The following OSBPL10 variants were observed in gnomAD, a reference collection of about 807,000 sequenced individuals.
The protein encoded by OSBPL10 is oxysterol-binding protein-related protein 10.
In OSBPL10, 49 loss-of-function variants were observed where a neutral mutation model predicts 81.7. The ratio of observed to expected loss-of-function variants is 0.60; its 90% CI spans 0.48 to 0.76. OSBPL10 has a LOEUF of 0.76. Ranked by LOEUF, OSBPL10 falls within the 30% of genes least tolerant of loss-of-function variation. The probability of loss-of-function intolerance (pLI) is 0.00; values close to 1 mark genes in which losing one functional copy is unlikely to be tolerated. For missense variants in OSBPL10, 923 were observed against 987.8 expected (o/e 0.93, Z 0.88); for synonymous variants, 419 against 383.6 (o/e 1.09, Z -1.08).
At chr3:31,828,384 T>C (rs573798506) in intron 4 of OSBPL10, among the ~76,000 whole-genome samples, 2 of 152,296 alleles carry the variant, frequency 1.3e-5, no homozygotes, top group East Asian at 1.9e-4. Context: ...GGATATAGGG[T>C]TGCATTACTA....
intron 3 of OSBPL10, among the ~76,000 whole-genome samples, chr3:31,868,508 A>G (rs888090239): frequency 2.0e-5 from 3 of 152,186 alleles, no homozygotes; most frequent in African/African-American, 7.2e-5. Context: ...TCTGTCACAC[A>G]TTTATCCTTT....
intron 3 of OSBPL10, among the ~76,000 whole-genome samples, chr3:31,838,368 G>A (rs778162283): frequency 3.3e-5 from 5 of 152,100 alleles, no homozygotes; most frequent in Admixed American, 1.3e-4. Flanking sequence ...AAAATTAGCC[G>A]GGCGTGGTGG....
chr3:32,057,169 A>T (rs1699718645), intron 1 of OSBPL10, among the ~76,000 whole-genome samples: 1 of 152,198 alleles, frequency 6.6e-6, no homozygotes, highest in African/African-American at 2.4e-5. Context: ...TATAATCAAG[A>T]AATAACTGTA....
intron 2 of OSBPL10, among the ~76,000 whole-genome samples, chr3:32,032,432 A>T (rs957262584): frequency 6.6e-6 from 1 of 152,114 alleles, no homozygotes; most frequent in African/African-American, 2.4e-5. Flanking sequence ...TAACTAATTA[A>T]TTAAAAATTA....
intron 1 of OSBPL10, among the ~76,000 whole-genome samples, chr3:31,977,137 T>G (rs1465812607): frequency 6.6e-6 from 1 of 151,740 alleles, no homozygotes; most frequent in African/African-American, 2.4e-5. Flanking sequence ...CACAAACACA[T>G]TCCCCTCCTG....
rs144025571 is a variant in OSBPL10, at chr3:32,033,114, A to C, written n.298+13377T>G. ...GAACAGTTCTCCTATTATTTCTGATATCATAAAACAATTTGAAATGTATAT... is the reference window on the plus strand; with the variant it reads ...GAACAGTTCTCCTATTATTTCTGATCTCATAAAACAATTTGAAATGTATAT... On this transcript the variant is annotated intron_variant and non_coding_transcript_variant, in intron 2 of 3. Transcript: ENST00000479173. 3.0e-4 allele frequency among the ~76,000 whole-genome samples: 45 copies of C among 152,326 alleles called. 1 individual carries two copies. In the East Asian group the frequency reaches 7.3e-3, roughly 25 times the overall value.
intron 7 of OSBPL10, among the ~76,000 whole-genome samples, chr3:31,686,268 C>T (rs1166769153): frequency 1.3e-5 from 2 of 152,134 alleles, no homozygotes; most frequent in Non-Finnish European, 2.9e-5. Context: ...CACAGCAACA[C>T]TAAAGGGACT....
At chr3:31,841,053 C>A (rs913949334) in intron 3 of OSBPL10, among the ~76,000 whole-genome samples, 1 of 152,202 alleles carries the variant, frequency 6.6e-6, no homozygotes, top group Admixed American at 6.5e-5. Flanking sequence ...GGATTACAGG[C>A]ATGTGCCACC....
At position 32,051,194 on chromosome 3, in the gene OSBPL10, G is replaced by C. The variant is rs954865858; in HGVS notation, n.186-4591C>G. ...ACCTAAGATAATTTCTAACAGGCTG[G>C]GACTGCTGGGGAAAACAGAGGAGGC... is the stretch of plus-strand genomic sequence containing the variant. On this transcript the variant is annotated intron_variant and non_coding_transcript_variant, in intron 1 of 3. Coordinates refer to the OSBPL10 transcript ENST00000479173. Among the ~76,000 whole-genome samples, 4 of 150,524 alleles carry C rather than the reference G, an allele frequency of 2.7e-5. No homozygotes were observed. In the Admixed American group the frequency reaches 2.7e-4, roughly 10 times the overall value.
chr3:32,006,052 C>T (rs1278925730), intron 2 of OSBPL10, among the ~76,000 whole-genome samples: 1 of 152,098 alleles, frequency 6.6e-6, no homozygotes, highest in Non-Finnish European at 1.5e-5. Context: ...TCTAGCAATT[C>T]TCCCACCTCA....
intron 4 of OSBPL10, among the ~76,000 whole-genome samples, chr3:31,809,655 A>G (rs1699622251): frequency 6.6e-6 from 1 of 152,232 alleles, no homozygotes; most frequent in African/African-American, 2.4e-5. Flanking sequence ...CTTACCAGAC[A>G]CTAAAGTATA....
At chr3:31,812,719 AAAG>A (rs1308361054) in intron 4 of OSBPL10, among the ~76,000 whole-genome samples, 4,183 of 18,868 alleles carry the variant, frequency 0.22, 556 homozygotes, top group African/African-American at 0.47. Flanking sequence ...AGGCAAAAAA[AAAG>A]AAAGAAAGAA....
intron 1 of OSBPL10, among the ~76,000 whole-genome samples, chr3:31,900,538 C>T (rs1462050199): frequency 6.6e-6 from 1 of 152,218 alleles, no homozygotes; most frequent in Non-Finnish European, 1.5e-5. Context: ...CTCCCCTTCT[C>T]AGGCTTGTCC....
In OSBPL10 at chr3:31,684,003, C is replaced by T. The variant is rs760766000; in HGVS notation, c.1357G>A (p.Glu453Lys). ...LAITAGATPE[E>K]RVICFVEYYL... is the part of the protein sequence containing the mutation. ...TACTCAACGAAGCAAATGACTCTCT[C>T]CTCTGGTGTGGCCCCAGCGGTGATG... Residue 453 changes from glutamate (E) to lysine (K), a missense_variant, in exon 8 of 12, where the codon GAG becomes AAG. Glu to Lys is a moderately conservative substitution (Grantham distance 56). Around this residue, in one of 3 missense-constraint regions of OSBPL10, gnomAD observed 387 missense variants for 436.3 expected, o/e 0.89. Coordinates refer to ENST00000396556, the MANE Select transcript of OSBPL10 (RefSeq NM_017784.5). 41 of 1,614,106 alleles carry T rather than the reference C, an allele frequency of 2.5e-5. No homozygotes were observed. The highest frequency in any genetic ancestry group is 3.2e-5 in the Non-Finnish European group (38 of 1,180,062).
At chr3:31,825,068 C>G (rs1700068951) in intron 4 of OSBPL10, among the ~76,000 whole-genome samples, 1 of 152,118 alleles carries the variant, frequency 6.6e-6, no homozygotes, top group African/African-American at 2.4e-5. Context: ...CTGCAGGAAG[C>G]TGGGCTTGTG....
chr3:31,744,946 C>T (rs1335341490), intron 5 of OSBPL10, among the ~76,000 whole-genome samples: 3 of 152,114 alleles, frequency 2.0e-5, no homozygotes, highest in African/African-American at 7.2e-5. Flanking sequence ...CAATATAGGG[C>T]AAAAGAGACC....
chr3:31,815,171 TCCCGCCC>T (rs1699807458), intron 4 of OSBPL10, among the ~76,000 whole-genome samples: 1 of 19,512 alleles, frequency 5.1e-5, no homozygotes, highest in Non-Finnish European at 1.4e-4. Flanking sequence ...GGCTTGCTCT[TCCCGCCC>T]TGAGACAACA....
chr3:31,928,231 T>C (rs1283172679), intron 1 of OSBPL10, among the ~76,000 whole-genome samples: 5 of 152,186 alleles, frequency 3.3e-5, no homozygotes, highest in East Asian at 1.9e-4. Context: ...TTCGGAGGTA[T>C]TGATCTTTTT....
chr3:31,678,067 G>A (rs1318432574), intron 8 of OSBPL10, among the ~76,000 whole-genome samples: 7 of 125,218 alleles, frequency 5.6e-5, no homozygotes, highest in Admixed American at 9.2e-5. Context: ...CGGCCTGGGC[G>A]ACAGAGCGAG....
Sources: allele counts gnomAD v4.1 joint callset (sites outside exome capture counted in the v4.1 genomes callset), GRCh38; gene constraint gnomAD v4.1.1; regional missense constraint gnomAD v4.1.1; transcripts MANE v1.5; gene names NCBI Gene and HGNC (gene_info 2026-07-23, HGNC 2026-07-21).